NAALADL2: variants seen among roughly 807,000 people sequenced by gnomAD.
NAALADL2 encodes the protein N-acetylated alpha-linked acidic dipeptidase like 2, also known as inactive N-acetylated-alpha-linked acidic dipeptidase-like protein 2.
Under a neutral mutation model 87.2 loss-of-function variants are expected in NAALADL2, and 76 were observed. The ratio of observed to expected loss-of-function variants is 0.87; its 90% CI spans 0.72 to 1.05. The LOEUF is 1.05. NAALADL2 is among the 50% of genes least tolerant of loss of function. The pLI is 0.00. For missense variants in NAALADL2, 1,089 were observed against 945.8 expected (o/e 1.15, Z -1.99); for synonymous variants, 354 against 331.0 (o/e 1.07, Z -0.75).
chr3:175,666,149 C>T (rs569925985), intron 11 of NAALADL2, among the ~76,000 whole-genome samples: 1 of 152,100 alleles, frequency 6.6e-6, no homozygotes, highest in East Asian at 1.9e-4. Context: ...GCAAGACTGC[C>T]TTCTGTGGTA....
chr3:174,793,807 C>CTT (rs756300484), intron 3 of NAALADL2, among the ~76,000 whole-genome samples: 1 of 144,928 alleles, frequency 6.9e-6, no homozygotes, highest in African/African-American at 2.5e-5. Flanking sequence ...TCCCCAGTTT[C>CTT]TTTTTTTTTT....
intron 3 of NAALADL2, among the ~76,000 whole-genome samples, chr3:174,745,252 A>G (rs1239778737): frequency 6.6e-6 from 1 of 152,146 alleles, no homozygotes. Context: ...AAAAAATGAT[A>G]AAGGGCATAT....
chr3:175,331,096 G>A (rs566989088), intron 5 of NAALADL2, among the ~76,000 whole-genome samples: 38 of 152,144 alleles, frequency 2.5e-4, no homozygotes, highest in African/African-American at 8.7e-4. Context: ...ATTGAATCAG[G>A]AAGAAATAGA....
Position 175,649,407 on chromosome 3 carries a change from G to GAA in NAALADL2, c.1896+22038_1896+22039dup, listed in dbSNP as rs547293804. 7.6e-3 allele frequency among the ~76,000 whole-genome samples: 978 copies of GAA among 128,846 alleles called. 9 individuals carry two copies. The highest frequency in any genetic ancestry group is 0.024 in the Middle Eastern group (6 of 254). 84.5% of individuals were successfully genotyped at this position (128,846 alleles called of 152,430 possible). On this transcript the variant is annotated intron_variant, in intron 11 of 13. Transcript: ENST00000454872. Reference sequence around the variant, plus strand: ...TCTTAACTGTCCCATAAGTGTCTCTGAAAAAAAAAAAAAAAAAATTGTTGG... The same window carrying GAA: ...TCTTAACTGTCCCATAAGTGTCTCTGAAAAAAAAAAAAAAAAAAAATTGTTGG...
chr3:175,545,019 C>T (rs898624723), intron 9 of NAALADL2, among the ~76,000 whole-genome samples: 1 of 152,140 alleles, frequency 6.6e-6, no homozygotes, highest in Admixed American at 6.5e-5. Context: ...AACAATAATG[C>T]TAATGTTTTC....
intron 1 of NAALADL2, among the ~76,000 whole-genome samples, chr3:174,502,268 G>A (rs923810974): frequency 6.6e-6 from 1 of 152,112 alleles, no homozygotes; most frequent in African/African-American, 2.4e-5. Context: ...GGTTAACCAT[G>A]CTTAAAAAGC....
intron 1 of NAALADL2, among the ~76,000 whole-genome samples, chr3:174,483,773 A>G (rs1477004810): frequency 6.6e-6 from 1 of 152,024 alleles, no homozygotes; most frequent in Admixed American, 6.6e-5. Flanking sequence ...AAAGGCTCTG[A>G]GCAAAAAATA....
At chr3:175,688,854 G>A (rs960576749) in intron 11 of NAALADL2, among the ~76,000 whole-genome samples, 3 of 152,176 alleles carry the variant, frequency 2.0e-5, no homozygotes, top group African/African-American at 7.2e-5. Flanking sequence ...GGGCTGACAA[G>A]GCTAATGTGT....
chr3:175,187,520 A>T (rs1377840542), intron 2 of NAALADL2, among the ~76,000 whole-genome samples: 2 of 152,134 alleles, frequency 1.3e-5, no homozygotes, highest in African/African-American at 4.8e-5. Flanking sequence ...CAAGTCTTTA[A>T]TTATGGCCAA....
intron 1 of NAALADL2, among the ~76,000 whole-genome samples, chr3:174,941,823 C>T (rs1738650539): frequency 6.6e-6 from 1 of 151,600 alleles, no homozygotes; most frequent in Non-Finnish European, 1.5e-5. Flanking sequence ...GATTGCAACC[C>T]TCTGCTTTTT....
intron 2 of NAALADL2, among the ~76,000 whole-genome samples, chr3:175,197,381 A>G (rs756697576): frequency 7.9e-5 from 12 of 152,046 alleles, no homozygotes; most frequent in Non-Finnish European, 1.3e-4. Flanking sequence ...CGTATATTTT[A>G]TGCATTCATG....
At chr3:175,638,711 A>G (rs1468647328) in intron 11 of NAALADL2, among the ~76,000 whole-genome samples, 1 of 152,212 alleles carries the variant, frequency 6.6e-6, no homozygotes, top group Non-Finnish European at 1.5e-5. Context: ...TTAAAAATAA[A>G]TTATATAACT....
intron 1 of NAALADL2, among the ~76,000 whole-genome samples, chr3:174,935,689 G>T (rs932434299): frequency 6.6e-6 from 1 of 152,014 alleles, no homozygotes; most frequent in African/African-American, 2.4e-5. Context: ...TTCTTTTAAG[G>T]TTCTCTAATG....
intron 1 of NAALADL2, among the ~76,000 whole-genome samples, chr3:174,865,019 T>C (rs1726974052): frequency 6.6e-6 from 1 of 152,090 alleles, no homozygotes; most frequent in Admixed American, 6.6e-5. Context: ...TCAATAGTTT[T>C]ATTTGACAAT....
chr3:175,740,076 G>A (rs975407330), intron 12 of NAALADL2, among the ~76,000 whole-genome samples: 1 of 152,054 alleles, frequency 6.6e-6, no homozygotes, highest in Admixed American at 6.6e-5. Flanking sequence ...TTTAGAAACT[G>A]GGATAAAGGT....
chr3:175,633,631 C>G (rs1402586828), intron 11 of NAALADL2, among the ~76,000 whole-genome samples: 1 of 151,756 alleles, frequency 6.6e-6, no homozygotes, highest in Non-Finnish European at 1.5e-5. Context: ...CAAAAATGCC[C>G]TCATCTATGT....
chr3:175,276,297 ATTTTTT>A (rs10645974), intron 4 of NAALADL2, among the ~76,000 whole-genome samples: 3 of 133,570 alleles, frequency 2.2e-5, no homozygotes, highest in Non-Finnish European at 4.8e-5. Context: ...CGCTTTGCAA[ATTTTTT>A]TTTTTTTTTT....
At chr3:175,132,779 C>T (rs1429838389) in intron 2 of NAALADL2, among the ~76,000 whole-genome samples, 6 of 141,948 alleles carry the variant, frequency 4.2e-5, no homozygotes, top group African/African-American at 1.1e-4. Flanking sequence ...GCTCTCCTGG[C>T]GGGGGCTGAC....
intron 3 of NAALADL2, among the ~76,000 whole-genome samples, chr3:174,823,829 G>T (rs1721686978): frequency 6.6e-6 from 1 of 152,138 alleles, no homozygotes. Context: ...TCCTGCCTCA[G>T]CCTCCCGAGT....
Sources: gnomAD v4.1 joint callset for allele counts (sites outside exome capture counted in the v4.1 genomes callset) on GRCh38, gnomAD v4.1.1 for gene constraint, MANE v1.5 for transcripts, NCBI Gene and HGNC (gene_info 2026-07-23, HGNC 2026-07-21) for gene names.